The following ALPK2 variants were observed in gnomAD, a reference collection of about 807,000 sequenced individuals.
ALPK2 encodes alpha-protein kinase 2.
A neutral mutation model predicts 163.1 loss-of-function variants in ALPK2; 127 were observed. That is an observed-to-expected ratio of 0.78 (90% CI 0.67 to 0.90). The LOEUF is 0.90. Ranked by LOEUF, ALPK2 falls within the 40% of genes least tolerant of loss-of-function variation. The pLI, the probability that ALPK2 is intolerant of heterozygous loss-of-function variation, is 0.00. For missense variants in ALPK2, 2,360 were observed against 2,589.6 expected (o/e 0.91, Z 1.92); for synonymous variants, 953 against 959.1 (o/e 0.99, Z 0.12).
Position 58,537,738 on chromosome 18 carries a change from CA to C in ALPK2, c.2448del (p.Phe816LeufsTer4), listed in dbSNP as rs765226238. ...CFEAGDQGTC[F>X]DTIDSLVGRP... is the part of the protein sequence containing the mutation. ...CTCCCAACAAGAGAATCTATGGTAT[CA>C]AAACACGTTCCTTGGTCACCAGCCT... On this transcript the variant is annotated frameshift_variant, in exon 5 of 13. Transcript: ENST00000361673. LOFTEE classifies it high-confidence loss of function. 3 of 1,614,112 alleles carry C rather than the reference CA, an allele frequency of 1.9e-6. No individual in the cohort carries two copies. The highest frequency in any genetic ancestry group is 2.5e-6 in the Non-Finnish European group (3 of 1,179,974).
chr18:58,498,134 A>G, intron 11 of ALPK2, 37 bp from the exon 12 acceptor site: 1 of 1,610,240 alleles, frequency 6.2e-7, no homozygotes, highest in African/African-American at 1.3e-5. Context: ...AGTTTGTGTT[A>G]CTCAGGGCCC....
chr18:58,540,718 T>G (rs2051685376), intron 4 of ALPK2, among the ~76,000 whole-genome samples: 1 of 152,220 alleles, frequency 6.6e-6, no homozygotes, highest in Non-Finnish European at 1.5e-5. Context: ...CCACTACCTA[T>G]GTCAGTCCCT....
intron 4 of ALPK2, among the ~76,000 whole-genome samples, chr18:58,565,876 GATT>G (rs2051850271): frequency 6.6e-6 from 1 of 151,792 alleles, no homozygotes. Flanking sequence ...CTGCCTCCCG[GATT>G]CAAGCAATTC....
At chr18:58,575,994 G>T (rs186415435) in intron 4 of ALPK2, among the ~76,000 whole-genome samples, 48 of 152,324 alleles carry the variant, frequency 3.2e-4, no homozygotes, top group Non-Finnish European at 5.7e-4. Context: ...GTATGCAGAT[G>T]AAGAGAAAAT....
intron 11 of ALPK2, among the ~76,000 whole-genome samples, chr18:58,499,846 A>T (rs1210174324): frequency 1.3e-5 from 2 of 152,216 alleles, no homozygotes; most frequent in East Asian, 3.9e-4. Context: ...GAAAGAAAAA[A>T]ACTCAGCATC....
chr18:58,570,254 G>A (rs2051879178), intron 4 of ALPK2, among the ~76,000 whole-genome samples: 1 of 152,220 alleles, frequency 6.6e-6, no homozygotes, highest in African/African-American at 2.4e-5. Context: ...AATTGAGTAT[G>A]CAAATGAACT....
At chr18:58,589,801 C>T (rs1359557021) in intron 3 of ALPK2, among the ~76,000 whole-genome samples, 2 of 152,104 alleles carry the variant, frequency 1.3e-5, no homozygotes, top group Non-Finnish European at 2.9e-5. Context: ...TATTGCCTGC[C>T]CTGAGGTCAC....
intron 6 of ALPK2, among the ~76,000 whole-genome samples, chr18:58,524,695 C>A (rs1006692323): frequency 6.6e-6 from 1 of 152,100 alleles, no homozygotes; most frequent in Non-Finnish European, 1.5e-5. Flanking sequence ...TGGTATGTAC[C>A]AGGCATTGTG....
intron 4 of ALPK2, among the ~76,000 whole-genome samples, chr18:58,575,217 A>AAG (rs2051913371): frequency 1.3e-5 from 2 of 148,210 alleles, no homozygotes; most frequent in African/African-American, 2.5e-5. Flanking sequence ...AAAAAAAAAA[A>AAG]AAGAAGAAGA....
At chr18:58,503,847 C>T (rs1325493066) in intron 11 of ALPK2, 84 bp downstream of exon 11, 1 of 1,334,548 alleles carries the variant, frequency 7.5e-7, no homozygotes, top group African/African-American at 1.5e-5. Flanking sequence ...GCCTATCCTT[C>T]CTCTCCCTCC....
At chr18:58,625,810 G>A (rs180827084) in intron 1 of ALPK2, among the ~76,000 whole-genome samples, 12 of 152,216 alleles carry the variant, frequency 7.9e-5, no homozygotes, top group African/African-American at 2.2e-4. Flanking sequence ...CTGAACTCTC[G>A]GAATTGAGCT....
chr18:58,502,855 C>T (rs756968175), intron 11 of ALPK2, among the ~76,000 whole-genome samples: 1 of 152,214 alleles, frequency 6.6e-6, no homozygotes, highest in Non-Finnish European at 1.5e-5. Flanking sequence ...GAGGTAATGC[C>T]CCCACCCAGA....
intron 4 of ALPK2, among the ~76,000 whole-genome samples, chr18:58,559,074 T>C (rs1298650821): frequency 6.6e-6 from 1 of 152,266 alleles, no homozygotes; most frequent in Non-Finnish European, 1.5e-5. Context: ...AAATTTCTAT[T>C]GGACAGCACT....
intron 12 of ALPK2, among the ~76,000 whole-genome samples, chr18:58,493,577 T>C (rs1234538083): frequency 6.6e-6 from 1 of 152,116 alleles, no homozygotes; most frequent in African/African-American, 2.4e-5. Flanking sequence ...GGAGTCTATT[T>C]TGATCTTTTC....
chr18:58,520,699 A>G (rs1447539911), intron 8 of ALPK2, among the ~76,000 whole-genome samples: 2 of 152,250 alleles, frequency 1.3e-5, no homozygotes, highest in African/African-American at 4.8e-5. Context: ...CATTTGGTCC[A>G]TCATTCATTT....
intron 4 of ALPK2, among the ~76,000 whole-genome samples, chr18:58,575,297 AATTG>A (rs1193665515): frequency 6.6e-6 from 1 of 152,156 alleles, no homozygotes. Context: ...TCCAGTCAAT[AATTG>A]ATTGTCTATT....
At chr18:58,524,951 CAA>C (rs377122433) in intron 6 of ALPK2, among the ~76,000 whole-genome samples, 71 of 106,020 alleles carry the variant, frequency 6.7e-4, no homozygotes, top group Admixed American at 6.7e-4. Flanking sequence ...TACTCTACAG[CAA>C]AAAAAAAAAA....
At chr18:58,627,784 C>G (rs1050203551) in intron 1 of ALPK2, among the ~76,000 whole-genome samples, 1 of 152,134 alleles carries the variant, frequency 6.6e-6, no homozygotes, top group African/African-American at 2.4e-5. Flanking sequence ...GTTGTTGATT[C>G]GGAAGGTAAC....
intron 10 of ALPK2, among the ~76,000 whole-genome samples, chr18:58,510,501 T>G (rs1162559162): frequency 6.6e-6 from 1 of 152,256 alleles, no homozygotes; most frequent in African/African-American, 2.4e-5. Context: ...ATGATATTGA[T>G]TCTTCCTACC....
Sources: gnomAD v4.1 joint callset for allele counts (sites outside exome capture counted in the v4.1 genomes callset) on GRCh38, gnomAD v4.1.1 for gene constraint, MANE v1.5 for transcripts, NCBI Gene and HGNC (gene_info 2026-07-23, HGNC 2026-07-21) for gene names.